PNPLA7: variants seen among roughly 807,000 people sequenced by gnomAD.
PNPLA7 encodes the protein patatin-like phospholipase domain-containing protein 7.
A neutral mutation model predicts 161.7 loss-of-function variants in PNPLA7; 153 were observed. That is an observed-to-expected ratio of 0.95 (90% CI 0.83 to 1.08). PNPLA7 has a LOEUF of 1.08. PNPLA7 is among the 50% of genes least tolerant of loss of function. PNPLA7 has a pLI of 0.00. For synonymous variants in PNPLA7, 809 were observed against 782.1 expected (o/e 1.03, Z -0.57); for missense variants, 1,739 against 1,856.6 (o/e 0.94, Z 1.16).
intron 12 of PNPLA7, among the ~76,000 whole-genome samples, chr9:137,514,339 G>A (rs1300345779): frequency 6.9e-6 from 1 of 145,294 alleles, no homozygotes; most frequent in African/African-American, 2.7e-5. Context: ...CGGGCCCCGT[G>A]GCCGGGCTGC....
chr9:137,501,803 G>T, intron 14 of PNPLA7, 76 bp from the exon 15 acceptor site: 2 of 1,443,038 alleles, frequency 1.4e-6, no homozygotes, highest in Non-Finnish European at 1.9e-6. Context: ...GCTGCACTGG[G>T]CTGTTCAGGG....
At position 137,462,270 on chromosome 9, in the gene PNPLA7, T is replaced by A. The variant is rs1193853883; in HGVS notation, c.3554A>T (p.Glu1185Val). The A allele has an allele frequency of 1.2e-6, 2 of 1,611,822 alleles. No individual in the cohort carries two copies. Among genetic ancestry groups the A allele is most frequent in the East Asian group, 2.2e-5 (1 of 44,840 alleles). ...LAYVCCVRQL[E>V]VVKSSDYCEY... ...GCAGTAGTCACTGCTCTTCACCACC[T>A]CCAGCTGCCGCACGCAACACACGTA... Residue 1185 changes from glutamate to valine, a missense_variant, in exon 31 of 35, where the codon GAG becomes GTG. By Grantham distance (121) the Glu-to-Val change is moderately radical. Coordinates refer to ENST00000406427, the MANE Select transcript of PNPLA7 (RefSeq NM_001098537.3).
chr9:137,480,362 C>T lies in PNPLA7; in HGVS notation c.2530G>A (p.Asp844Asn), dbSNP rs780922506. The T allele has an allele frequency of 8.7e-6, 14 of 1,613,314 alleles. No individual in the cohort carries two copies. The highest frequency in any genetic ancestry group is 3.3e-5 in the South Asian group (3 of 91,054). The change falls in exon 23 of 35, where the codon GAC (aspartate) becomes AAC (asparagine). Residue 844 changes from aspartate (D) to asparagine (N), a missense_variant. Asp to Asn is a conservative substitution (Grantham distance 23, BLOSUM62 1). Coordinates refer to ENST00000406427, the MANE Select transcript of PNPLA7 (RefSeq NM_001098537.3). Reference sequence around the variant, plus strand: ...CCCAGGCCCACGATGAGGATGCAGTCGGCCTGGCGCACGCAGCGCTGGGTC... The same window carrying T: ...CCCAGGCCCACGATGAGGATGCAGTTGGCCTGGCGCACGCAGCGCTGGGTC... ...PWTQRCVRQA[D>N]CILIVGLGDQ...
rs938549872 is a variant in PNPLA7 at position 137,499,003 on chromosome 9, G to C, written c.1758-758C>G. ...TGGGGAGATGGCAAGACAGTGGCTG[G>C]GTGAGGGCGTGAAGGGCGTGAGCGT... On this transcript the variant is annotated intron_variant, in intron 16 of 34. Transcript: ENST00000406427. This position sits in a 1 kb window ranked among gnomAD's most constrained non-coding sequence, Gnocchi z 5.5. 6.6e-6 allele frequency among the ~76,000 whole-genome samples: 1 copy of C among 152,134 alleles called. No homozygotes were observed. The highest frequency in any genetic ancestry group is 1.5e-5 in the Non-Finnish European group (1 of 68,010).
Position 137,524,782 on chromosome 9 carries a change from G to A in PNPLA7, c.748-1925C>T, listed in dbSNP as rs181737946. ...TGGAATGAGTTTCCGTGGATGCCCC[G>A]TGGAATGGGTTTCCGTGGATGCCCC... is the stretch of plus-strand genomic sequence containing the variant. On this transcript the variant is annotated intron_variant, in intron 8 of 34. Transcript: ENST00000406427. The surrounding 1 kb of genome is among the most constrained non-coding windows in gnomAD (Gnocchi z 4.4). Among the ~76,000 whole-genome samples the A allele has an allele frequency of 1.1e-4, 17 of 151,874 alleles. No individual in the cohort carries two copies. In the East Asian group the frequency reaches 2.3e-3, roughly 21 times the overall value.
chr9:137,542,810 G>A lies in PNPLA7; in HGVS notation c.507-9C>T. 1 of 1,606,188 alleles carries A rather than the reference G, an allele frequency of 6.2e-7. No individual in the cohort carries two copies. Among genetic ancestry groups the A allele is most frequent in the African/African-American group, 1.3e-5 (1 of 74,910 alleles). On this transcript the variant is annotated splice_polypyrimidine_tract_variant and intron_variant, in intron 6 of 34. Transcript: ENST00000406427. ...CAAAGTGGCCCAGGACCCTGCAAGA[G>A]CCAGAGGGCACTGTGGGACGCCCTT... is the stretch of plus-strand genomic sequence containing the variant.
chr9:137,547,333 T>G lies in PNPLA7; in HGVS notation c.169A>C (p.Met57Leu). The part of the protein sequence containing the change: ...LALVGVLILF[M>L]FRRLRQFRQA... ...CGAAATTGTCTAAGCCTTCTGAACATGAAAAGGATGAGGACACCAACCAAG... is the reference window on the plus strand; with the variant it reads ...CGAAATTGTCTAAGCCTTCTGAACAGGAAAAGGATGAGGACACCAACCAAG... Residue 57 changes from methionine (M) to leucine (L), a missense_variant, in exon 3 of 35, where the codon ATG becomes CTG. Met to Leu is a conservative substitution (Grantham distance 15). This residue lies in a region of PNPLA7 where 209 missense variants were observed against 252.8 expected (regional missense o/e 0.83). Coordinates refer to ENST00000406427, the MANE Select transcript of PNPLA7 (RefSeq NM_001098537.3). This position sits in a 1 kb window ranked among gnomAD's most constrained non-coding sequence, Gnocchi z 4.6. 1 of 1,613,344 alleles carries G rather than the reference T, an allele frequency of 6.2e-7. No individual in the cohort carries two copies. The highest frequency in any genetic ancestry group is 8.5e-7 in the Non-Finnish European group (1 of 1,179,928).
At position 137,483,704 on chromosome 9, in the gene PNPLA7, G is replaced by A. The variant is rs375000589; in HGVS notation, c.2347+883C>T. On this transcript the variant is annotated intron_variant, in intron 21 of 34. Coordinates refer to ENST00000406427, the MANE Select transcript of PNPLA7 (RefSeq NM_001098537.3). ...ACTCCTGACCTCAAGTGATCCACCCGCCTCGGCCTCCCAAAGTGCTGGGAT... is the reference window on the plus strand; with the variant it reads ...ACTCCTGACCTCAAGTGATCCACCCACCTCGGCCTCCCAAAGTGCTGGGAT... Among the ~76,000 whole-genome samples the A allele has an allele frequency of 1.1e-3, 164 of 151,918 alleles. 1 individual carries two copies. Among genetic ancestry groups the A allele is most frequent in the African/African-American group, 3.6e-3 (151 of 41,412 alleles).
At position 137,460,851 on chromosome 9, in the gene PNPLA7, G is replaced by T. The variant is rs923179746; in HGVS notation, c.3842-114C>A. 33 of 956,394 alleles carry T rather than the reference G, an allele frequency of 3.5e-5. 1 individual carries two copies. The South Asian group carries it at 3.5e-4, about 10-fold the overall frequency. 59.2% of individuals were successfully genotyped at this position (956,394 alleles called of 1,614,324 possible). A position where few individuals can be genotyped will look rare whatever the true frequency, so the allele number is the denominator to read the frequency against. ...GATGCCCACCCCCGCCTCCAAGGTGGCCCGGGGCCCTACACGCAGCCACCT... is the reference window on the plus strand; with the variant it reads ...GATGCCCACCCCCGCCTCCAAGGTGTCCCGGGGCCCTACACGCAGCCACCT... On this transcript the variant is annotated intron_variant, in intron 33 of 34. Transcript: ENST00000406427.
rs1835379153 is a variant in PNPLA7 at position 137,527,870 on chromosome 9, G to A, written c.748-5013C>T. Among the ~76,000 whole-genome samples, 3 of 152,192 alleles carry A rather than the reference G, an allele frequency of 2.0e-5. No individual in the cohort carries two copies. In the South Asian group the frequency reaches 6.2e-4, roughly 32 times the overall value. ...ATGTTGGGAAGTATTCCCCAGTGAA[G>A]TCATCTAGATCTGGAATTCTCCAGG... is the stretch of plus-strand genomic sequence containing the variant. On this transcript the variant is annotated intron_variant, in intron 8 of 34. Transcript: ENST00000406427.
chr9:137,533,902 C>T (rs1043316887), intron 8 of PNPLA7, among the ~76,000 whole-genome samples: 13 of 150,994 alleles, frequency 8.6e-5, no homozygotes, highest in Admixed American at 8.6e-4. Context: ...AGTGTCCCCT[C>T]CAGACAGGAG....
At chr9:137,511,257 G>A (rs866207482) in intron 12 of PNPLA7, among the ~76,000 whole-genome samples, 4 of 151,362 alleles carry the variant, frequency 2.6e-5, no homozygotes, top group African/African-American at 9.7e-5. Flanking sequence ...CCGTTACTTA[G>A]TGGACCTTGG....
At position 137,547,280 on chromosome 9, in the gene PNPLA7, C is replaced by A; in HGVS notation, c.193+29G>T. On this transcript the variant is annotated intron_variant, in intron 3 of 34. Coordinates refer to ENST00000406427, the MANE Select transcript of PNPLA7 (RefSeq NM_001098537.3). This position sits in a 1 kb window ranked among gnomAD's most constrained non-coding sequence, Gnocchi z 4.6. ...ACACCCACGCTTTCCCCCAACCCCCCGGGCCAGAGTCGGAACCAAGATACT... is the reference window on the plus strand; with the variant it reads ...ACACCCACGCTTTCCCCCAACCCCCAGGGCCAGAGTCGGAACCAAGATACT... 1 of 1,606,786 alleles carries A rather than the reference C, an allele frequency of 6.2e-7. No individual in the cohort carries two copies. The highest frequency in any genetic ancestry group is 8.5e-7 in the Non-Finnish European group (1 of 1,174,058).
intron 14 of PNPLA7, among the ~76,000 whole-genome samples, chr9:137,505,060 G>T (rs187850039): frequency 3.0e-4 from 46 of 151,914 alleles, no homozygotes; most frequent in Non-Finnish European, 5.6e-4. Context: ...GTGGTCGTGG[G>T]CGCCTGTATC....
chr9:137,467,618 C>T lies in PNPLA7; in HGVS notation c.2883-145G>A. 1 of 1,167,226 alleles carries T rather than the reference C, an allele frequency of 8.6e-7. No individual in the cohort carries two copies. Among genetic ancestry groups the T allele is most frequent in the South Asian group, 1.6e-5 (1 of 62,122 alleles). 72.3% of individuals were successfully genotyped at this position (1,167,226 alleles called of 1,614,324 possible). On this transcript the variant is annotated intron_variant, in intron 25 of 34. Coordinates refer to ENST00000406427, the MANE Select transcript of PNPLA7 (RefSeq NM_001098537.3). This position sits in a 1 kb window ranked among gnomAD's most constrained non-coding sequence, Gnocchi z 5.1. ...AGGGACTCCAGATGCAGTTTAAAAC[C>T]CCTCTTTCCGGGCTCACGCCTGTCA... is the stretch of plus-strand genomic sequence containing the variant.
In PNPLA7 at chr9:137,543,432, C is replaced by A; in HGVS notation, c.506G>T (p.Arg169Leu). The A allele has an allele frequency of 6.2e-7, 1 of 1,614,036 alleles. No individual in the cohort carries two copies. Among genetic ancestry groups the A allele is most frequent in the Non-Finnish European group, 8.5e-7 (1 of 1,180,034 alleles). Residue 169 changes from arginine to leucine, a missense_variant and splice_region_variant, in exon 6 of 35, where the codon CGG (arginine) becomes CTG (leucine). Physicochemically the swap from Arg to Leu is moderately radical, Grantham distance 102. Transcript: ENST00000406427. The surrounding 1 kb of genome is among the most constrained non-coding windows in gnomAD (Gnocchi z 6.9). The part of the protein sequence containing the change: ...SEVLYMLKNV[R>L]VLGHFEKPLF... ...CCCCGGGGCTCATCCCCGCTCTTACCGAACGTTTTTCAGCATGTACAGAAC... is the reference window on the plus strand; with the variant it reads ...CCCCGGGGCTCATCCCCGCTCTTACAGAACGTTTTTCAGCATGTACAGAAC...
At chr9:137,527,543 T>C (rs983549449) in intron 8 of PNPLA7, among the ~76,000 whole-genome samples, 1 of 152,258 alleles carries the variant, frequency 6.6e-6, no homozygotes. Context: ...TCTGTCAATA[T>C]GGAACATTAC....
At position 137,522,746 on chromosome 9, in the gene PNPLA7, G is replaced by C; in HGVS notation, c.859C>G (p.Leu287Val). 1 of 1,613,656 alleles carries C rather than the reference G, an allele frequency of 6.2e-7. No homozygotes were observed. Among genetic ancestry groups the C allele is most frequent in the East Asian group, 2.2e-5 (1 of 44,880 alleles). ...HGVFEKYPETLVRVVQIIMVR... is the reference protein window; with the variant it reads ...HGVFEKYPETVVRVVQIIMVR... ...TGACTCACCTGCACCACCCTCACCA[G>C]AGTTTCCGGATATTTCTCAAAAACT... The change falls in exon 9 of 35, where the codon CTG becomes GTG. Residue 287 changes from leucine to valine, a missense_variant. Physicochemically the swap from Leu to Val is conservative, Grantham distance 32. This residue lies in a region of PNPLA7 where 152 missense variants were observed against 193.5 expected (regional missense o/e 0.79). Transcript: ENST00000406427.
chr9:137,521,294 A>C (rs1025472792), intron 10 of PNPLA7, among the ~76,000 whole-genome samples: 3 of 152,206 alleles, frequency 2.0e-5, no homozygotes, highest in African/African-American at 7.2e-5. Flanking sequence ...GGAGCTGCAG[A>C]GGCACCAGGC....
Sources: allele counts gnomAD v4.1 joint callset (sites outside exome capture counted in the v4.1 genomes callset), GRCh38; gene constraint gnomAD v4.1.1; regional missense constraint gnomAD v4.1.1; non-coding constraint Gnocchi (gnomAD v3.1); transcripts MANE v1.5; gene names NCBI Gene and HGNC (gene_info 2026-07-23, HGNC 2026-07-21).